LTBP4: variants seen among roughly 807,000 people sequenced by gnomAD.
LTBP4 encodes latent transforming growth factor beta binding protein 4.
In LTBP4, 93 loss-of-function variants were observed where a neutral mutation model predicts 180.2. The observed-to-expected ratio is 0.52, with a 90% CI of 0.44 to 0.61. LTBP4 has a LOEUF of 0.61. Ranked by LOEUF, LTBP4 falls within the 20% of genes least tolerant of loss-of-function variation. The probability of loss-of-function intolerance (pLI) is 0.00; values close to 1 mark genes in which losing one functional copy is unlikely to be tolerated. For missense variants in LTBP4, 2,116 were observed against 2,256.5 expected (o/e 0.94, Z 1.26); for synonymous variants, 947 against 934.5 (o/e 1.01, Z -0.24).
chr19:40,617,189 G>A lies in LTBP4; in HGVS notation c.3034G>A (p.Gly1012Ser). ...CTCCTTCCAGTGCCTCTGTGACCAG[G>A]GTTACGAGGGGGCACGGGATGGGCG... Reference protein sequence around the residue: ...PGSFQCLCDQGYEGARDGRHC... With the variant: ...PGSFQCLCDQSYEGARDGRHC... The change falls in exon 21 of 30, where the codon GGT (glycine) becomes AGT (serine). Residue 1012 changes from glycine (G) to serine (S), a missense_variant. This residue lies in a region of LTBP4 where 278 missense variants were observed against 373.0 expected (regional missense o/e 0.75). Coordinates refer to ENST00000396819, the MANE Select transcript of LTBP4 (RefSeq NM_001042545.2). 2 of 1,613,874 alleles carry A rather than the reference G, an allele frequency of 1.2e-6. No individual in the cohort carries two copies. The highest frequency in any genetic ancestry group is 2.2e-5 in the South Asian group (2 of 91,048).
chr19:40,624,014 C>T lies in LTBP4; in HGVS notation c.3764C>T (p.Thr1255Ile), dbSNP rs758517230. The T allele has an allele frequency of 1.6e-5, 26 of 1,610,430 alleles. No individual in the cohort carries two copies. Among genetic ancestry groups the T allele is most frequent in the Non-Finnish European group, 2.0e-5 (24 of 1,178,116 alleles). The change falls in exon 26 of 30, where the codon ACC becomes ATC. Residue 1255 changes from threonine (T) to isoleucine (I), a missense_variant. This residue lies in a region of LTBP4 where 488 missense variants were observed against 458.8 expected (regional missense o/e 1.06). Coordinates refer to ENST00000396819, the MANE Select transcript of LTBP4 (RefSeq NM_001042545.2). ...CVNTVGSYHC[T>I]CEPPLVLDGS... ...AACACTGTGGGCTCTTATCACTGTACCTGCGAGCCCCCACTGGTGCTGGAT... is the reference window on the plus strand; with the variant it reads ...AACACTGTGGGCTCTTATCACTGTATCTGCGAGCCCCCACTGGTGCTGGAT...
chr19:40,596,582 A>G (rs1370707211), upstream of LTBP4, among the ~76,000 whole-genome samples: 1 of 152,098 alleles, frequency 6.6e-6, no homozygotes, highest in Non-Finnish European at 1.5e-5. Context: ...TTCGGGGAGC[A>G]AGCTTTTGCA....
Position 40,622,095 on chromosome 19 carries a change from C to G in LTBP4, c.3218-306C>G, listed in dbSNP as rs1250465368. On this transcript the variant is annotated intron_variant, in intron 22 of 29. Transcript: ENST00000396819. This position sits in a 1 kb window ranked among gnomAD's most constrained non-coding sequence, Gnocchi z 5.1. ...GAAGACTCAGCCAGTTTGCCACACA[C>G]TGGATAAGAGACCCAGAGAGGCATC... Among the ~76,000 whole-genome samples the G allele has an allele frequency of 1.3e-5, 2 of 152,134 alleles. No homozygotes were observed. The highest frequency in any genetic ancestry group is 4.8e-5 in the African/African-American group (2 of 41,430).
At chr19:40,620,197 G>A (rs570246620) in intron 22 of LTBP4, among the ~76,000 whole-genome samples, 11 of 152,110 alleles carry the variant, frequency 7.2e-5, no homozygotes, top group East Asian at 3.9e-4. Flanking sequence ...AGAGCACTGC[G>A]GTACCGTGGA....
rs1179976312 is a variant in LTBP4, at chr19:40,624,001, T to C, written c.3751T>C (p.Ser1251Pro). 1 of 1,613,056 alleles carries C rather than the reference T, an allele frequency of 6.2e-7. No homozygotes were observed. Among genetic ancestry groups the C allele is most frequent in the African/African-American group, 1.3e-5 (1 of 74,910 alleles). ...EGGRCVNTVG[S>P]YHCTCEPPLV... ...CGGCCGCTGTGTCAACACTGTGGGC[T>C]CTTATCACTGTACCTGCGAGCCCCC... The change falls in exon 26 of 30, where the codon TCT (serine) becomes CCT (proline). Residue 1251 changes from serine to proline, a missense_variant. By Grantham distance (74) the Ser-to-Pro change is moderately conservative. Coordinates refer to ENST00000396819, the MANE Select transcript of LTBP4 (RefSeq NM_001042545.2).
Position 40,605,409 on chromosome 19 carries a change from G to T in LTBP4, c.447G>T (p.Val149=). The T allele has an allele frequency of 6.2e-7, 1 of 1,612,916 alleles. No individual in the cohort carries two copies. The change falls in exon 3 of 30, where the codon GTG becomes GTT. Residue 149 remains valine, a synonymous_variant. Transcript: ENST00000396819. This position sits in a 1 kb window ranked among gnomAD's most constrained non-coding sequence, Gnocchi z 5.5. The stretch of plus-strand genomic sequence containing the variant: ...GCCCGGCCGTGCCTCCCCTAGGCGT[G>T]GCATCTATGGTGAGCGTCCACGTGG... ...LANHRDDEHG[V]ASMVSVHVEH...
rs1342230505 is a variant in LTBP4 at position 40,606,262 on chromosome 19, G to A, written c.823G>A (p.Gly275Arg). Residue 275 changes from glycine to arginine, a missense_variant, in exon 5 of 30, where the codon GGA becomes AGA. By Grantham distance (125) the Gly-to-Arg change is moderately radical. This residue lies in a region of LTBP4 where 469 missense variants were observed against 532.5 expected (regional missense o/e 0.88). Transcript: ENST00000396819. The stretch of plus-strand genomic sequence containing the variant: ...CTCCGAAAGAGTGAGCGCCCCAGAT[G>A]GACCTTGTCCAACCGGCTTTGAAAG... ...GNSERVSAPD[G>R]PCPTGFERVN... The A allele has an allele frequency of 6.3e-7, 1 of 1,598,204 alleles. No homozygotes were observed. The highest frequency in any genetic ancestry group is 8.5e-7 in the Non-Finnish European group (1 of 1,172,360).
intron 1 of LTBP4, among the ~76,000 whole-genome samples, chr19:40,604,087 G>A (rs916482293): frequency 6.6e-6 from 1 of 152,214 alleles, no homozygotes; most frequent in Non-Finnish European, 1.5e-5. Context: ...GACACAGCGC[G>A]GTGGGCGGAA....
intron 27 of LTBP4, 28 bp from the exon 28 acceptor site, chr19:40,626,947 G>T: frequency 2.6e-6 from 4 of 1,525,048 alleles, no homozygotes; most frequent in African/African-American, 1.4e-5. Context: ...AGCAGGGGCT[G>T]ATTGTTTGCC....
rs1224088667 is a variant in LTBP4, at chr19:40,601,408, G to T, written c.21G>T (p.Leu7=). The T allele has an allele frequency of 5.1e-6, 7 of 1,384,446 alleles. No individual in the cohort carries two copies. The highest frequency in any genetic ancestry group is 6.6e-6 in the Non-Finnish European group (7 of 1,063,462). The allele number at this position is 1,384,446 out of a possible 1,614,324, so 85.8% of individuals were successfully genotyped here. A position where few individuals can be genotyped will look rare whatever the true frequency, so the allele number is the denominator to read the frequency against. The change falls in exon 1 of 30, where the codon CTG becomes CTT. Residue 7 remains leucine (L), a synonymous_variant. Coordinates refer to ENST00000396819, the MANE Select transcript of LTBP4 (RefSeq NM_001042545.2). ...CAGCCATGGCGGGCGGCGTGCGGCT[G>T]CTCTGGGTGTCGCTATTGGTGCTGC... MAGGVR[L]LWVSLLVLLA... is the part of the protein sequence containing the mutation.
At chr19:40,599,140 C>T, upstream of LTBP4, 1 of 1,525,058 alleles carries the variant, frequency 6.6e-7, no homozygotes, top group Non-Finnish European at 8.9e-7. Flanking sequence ...GATTGCCCTC[C>T]TTTGCAGAGT....
Position 40,609,712 on chromosome 19 carries a change from G to A in LTBP4, c.1559-34G>A, listed in dbSNP as rs750145244. 6 of 1,611,228 alleles carry A rather than the reference G, an allele frequency of 3.7e-6. No homozygotes were observed. The highest frequency in any genetic ancestry group is 5.1e-6 in the Non-Finnish European group (6 of 1,178,254). On this transcript the variant is annotated intron_variant, in intron 10 of 29. Coordinates refer to ENST00000396819, the MANE Select transcript of LTBP4 (RefSeq NM_001042545.2). This position sits in a 1 kb window ranked among gnomAD's most constrained non-coding sequence, Gnocchi z 4.9. ...GAGGCGGGGCGGGGGGCTTTGCCTG[G>A]TCACCTTGTCACCAGCCCCCTCCGT... is the stretch of plus-strand genomic sequence containing the variant.
intron 26 of LTBP4, among the ~76,000 whole-genome samples, chr19:40,625,158 C>T (rs1005697944): frequency 6.8e-6 from 1 of 148,044 alleles, no homozygotes; most frequent in Non-Finnish European, 1.5e-5. Flanking sequence ...CTCACTGCAG[C>T]TTCCACCTCT....
In LTBP4 at chr19:40,611,043, A is replaced by G; in HGVS notation, c.1811-109A>G. On this transcript the variant is annotated intron_variant, in intron 12 of 29. Coordinates refer to ENST00000396819, the MANE Select transcript of LTBP4 (RefSeq NM_001042545.2). This position sits in a 1 kb window ranked among gnomAD's most constrained non-coding sequence, Gnocchi z 4.4. ...GAGTCAGATGATGGTGACAAGGAGG[A>G]ATAGAGATGGGGTCACGGGGACAGA... 7.0e-7 allele frequency: 1 copy of G among 1,433,060 alleles called. No individual in the cohort carries two copies. Among genetic ancestry groups the G allele is most frequent in the Non-Finnish European group, 9.6e-7 (1 of 1,039,066 alleles). The allele number at this position is 1,433,060 out of a possible 1,614,324, so 88.8% of individuals were successfully genotyped here. A position where few individuals can be genotyped will look rare whatever the true frequency, so the allele number is the denominator to read the frequency against.
chr19:40,597,156 G>GGGGGCAGGGGC, upstream of LTBP4: 1 of 1,223,440 alleles, frequency 8.2e-7, no homozygotes, highest in Non-Finnish European at 1.0e-6. Context: ...GGGCGGGGGC[G>GGGGGCAGGGGC]GGGGCAGGGG....
chr19:40,593,724 A>G (rs4281834), intron 1 of LTBP4, among the ~76,000 whole-genome samples: 3,820 of 151,676 alleles, frequency 0.025, 163 homozygotes, highest in African/African-American at 0.086. Context: ...AGGCCGGAGA[A>G]TCCAGAACGC....
In LTBP4 at chr19:40,623,133, C is replaced by T. The variant is rs140937645; in HGVS notation, c.3556+112C>T. ...CTTTCTGTTTCTCTGTATCTGTCTCCCCGACCCCACCCATACTCTGTCTCT... is the reference window on the plus strand; with the variant it reads ...CTTTCTGTTTCTCTGTATCTGTCTCTCCGACCCCACCCATACTCTGTCTCT... On this transcript the variant is annotated intron_variant, in intron 24 of 29. Coordinates refer to ENST00000396819, the MANE Select transcript of LTBP4 (RefSeq NM_001042545.2). 2.6e-4 allele frequency: 177 copies of T among 676,190 alleles called. No homozygotes were observed. The African/African-American group carries it at 2.7e-3, about 10-fold the overall frequency. 41.9% of individuals were successfully genotyped at this position (676,190 alleles called of 1,614,324 possible). A position where few individuals can be genotyped will look rare whatever the true frequency, so the allele number is the denominator to read the frequency against.
At chr19:40,607,551 T>C (rs764535134) in intron 7 of LTBP4, 22 bp downstream of exon 7, 1 of 1,591,416 alleles carries the variant, frequency 6.3e-7, no homozygotes, top group Non-Finnish European at 8.6e-7. Flanking sequence ...CGGCAGTGCC[T>C]AGCCCTACGC....
Position 40,623,832 on chromosome 19 carries a change from C to G in LTBP4, c.3685+100C>G, listed in dbSNP as rs2081604830. 3.1e-6 allele frequency: 5 copies of G among 1,595,880 alleles called. No homozygotes were observed. In the Admixed American group the frequency reaches 5.0e-5, roughly 16 times the overall value. ...GGCCACCACCAGCGGGAAGTCTTTC[C>G]TGGAGTCTAGACTCCATCCATCACA... is the stretch of plus-strand genomic sequence containing the variant. On this transcript the variant is annotated intron_variant, in intron 25 of 29. Coordinates refer to ENST00000396819, the MANE Select transcript of LTBP4 (RefSeq NM_001042545.2).
Sources: allele counts gnomAD v4.1 joint callset (sites outside exome capture counted in the v4.1 genomes callset), GRCh38; gene constraint gnomAD v4.1.1; regional missense constraint gnomAD v4.1.1; non-coding constraint Gnocchi (gnomAD v3.1); transcripts MANE v1.5; gene names NCBI Gene and HGNC (gene_info 2026-07-23, HGNC 2026-07-21).